Variants in SLC7A1 observed in about 807,000 individuals in gnomAD.
The protein encoded by SLC7A1 is high affinity cationic amino acid transporter 1.
A neutral mutation model predicts 53.9 loss-of-function variants in SLC7A1; 10 were observed. The ratio of observed to expected loss-of-function variants is 0.19; its 90% CI spans 0.11 to 0.31. SLC7A1 has a LOEUF of 0.31. Ranked by LOEUF, SLC7A1 falls within the 10% of genes least tolerant of loss-of-function variation. The pLI is 1.00. For synonymous variants in SLC7A1, 342 were observed against 338.7 expected (o/e 1.01, Z -0.11); for missense variants, 525 against 827.2 (o/e 0.63, Z 4.48).
At chr13:29,570,925 TGAG>T (rs1358399529) in intron 1 of SLC7A1, among the ~76,000 whole-genome samples, 2 of 151,940 alleles carry the variant, frequency 1.3e-5, no homozygotes, top group Non-Finnish European at 2.9e-5. Flanking sequence ...CTTTGCAAGA[TGAG>T]GAGGTTTCAA....
At chr13:29,594,629 T>C (rs144079641) in intron 1 of SLC7A1, among the ~76,000 whole-genome samples, 3 of 152,334 alleles carry the variant, frequency 2.0e-5, no homozygotes, top group African/African-American at 7.2e-5. Flanking sequence ...ATACGGTGTC[T>C]TGCTAAAGGC....
intron 1 of SLC7A1, among the ~76,000 whole-genome samples, chr13:29,563,904 G>C (rs983027973): frequency 1.3e-5 from 2 of 152,174 alleles, no homozygotes. Flanking sequence ...ATCTTGAGCC[G>C]GTGAGAGGCA....
intron 2 of SLC7A1, among the ~76,000 whole-genome samples, chr13:29,548,756 A>T (rs1420868734): frequency 6.6e-6 from 1 of 152,226 alleles, no homozygotes; most frequent in East Asian, 1.9e-4. Context: ...AAATGCTGTG[A>T]CCTTTCATAT....
intron 5 of SLC7A1, among the ~76,000 whole-genome samples, chr13:29,528,731 G>A (rs554520967): frequency 1.2e-3 from 180 of 152,350 alleles, no homozygotes; most frequent in Non-Finnish European, 1.4e-3. Context: ...ATCCCCTGCC[G>A]TCCCTGTGGT....
intron 1 of SLC7A1, among the ~76,000 whole-genome samples, chr13:29,580,804 T>C (rs1164362158): frequency 6.6e-6 from 1 of 152,074 alleles, no homozygotes; most frequent in East Asian, 1.9e-4. Flanking sequence ...AGAGGTACCA[T>C]ACAAACGAAA....
chr13:29,509,434 C>T lies in SLC7A1; in HGVS notation c.*5046G>A, dbSNP rs770330319. Reference sequence around the variant, plus strand: ...GCACATGGAAGCCATAGAATTTATTCGAATTTGCAGAAGCATGAGATAATG... The same window carrying T: ...GCACATGGAAGCCATAGAATTTATTTGAATTTGCAGAAGCATGAGATAATG... On this transcript the variant is annotated 3_prime_UTR_variant, in exon 13 of 13. Coordinates refer to ENST00000380752, the MANE Select transcript of SLC7A1 (RefSeq NM_003045.5). The T allele has an allele frequency of 6.6e-6, 1 of 152,444 alleles. No individual in the cohort carries two copies. Among genetic ancestry groups the T allele is most frequent in the Non-Finnish European group, 1.5e-5 (1 of 68,026 alleles). 9.4% of individuals were successfully genotyped at this position (152,444 alleles called of 1,614,324 possible).
intron 2 of SLC7A1, 123 bp downstream of exon 2, chr13:29,553,638 G>C (rs538377047): frequency 2.0e-5 from 3 of 152,280 alleles, no homozygotes; most frequent in South Asian, 4.1e-4. Context: ...AAGACAACTG[G>C]GGGTTTTAGT....
At chr13:29,546,947 G>A (rs1367184420) in intron 2 of SLC7A1, among the ~76,000 whole-genome samples, 2 of 152,218 alleles carry the variant, frequency 1.3e-5, no homozygotes, top group African/African-American at 4.8e-5. Context: ...TAATCCTCTT[G>A]TAAGAATAAG....
intron 1 of SLC7A1, among the ~76,000 whole-genome samples, chr13:29,565,199 C>T (rs1420467138): frequency 6.6e-6 from 1 of 152,210 alleles, no homozygotes; most frequent in Non-Finnish European, 1.5e-5. Context: ...AGTGACTTAA[C>T]CCAAAAGAGT....
rs1236363018 is a variant in SLC7A1, at chr13:29,519,559, G to A, written c.1190-10C>T. The A allele has an allele frequency of 6.4e-7, 1 of 1,564,348 alleles. No individual in the cohort carries two copies. Among genetic ancestry groups the A allele is most frequent in the African/African-American group, 1.4e-5 (1 of 73,918 alleles). ...AGGAAGGCCATCACAGCTGGGAAGAGACAGACACCAGGATCTGTGGAGGGC... is the reference window on the plus strand; with the variant it reads ...AGGAAGGCCATCACAGCTGGGAAGAAACAGACACCAGGATCTGTGGAGGGC... On this transcript the variant is annotated splice_polypyrimidine_tract_variant and intron_variant, in intron 8 of 12. Coordinates refer to ENST00000380752, the MANE Select transcript of SLC7A1 (RefSeq NM_003045.5).
Position 29,532,817 on chromosome 13 carries a change from G to T in SLC7A1, c.529+7C>A. On this transcript the variant is annotated splice_region_variant and intron_variant, in intron 4 of 12. Transcript: ENST00000380752. The stretch of plus-strand genomic sequence containing the variant: ...TGACCCGATCTCTTTTTAAGTGTGG[G>T]CTTTACCTGTCAAGATGAGAATTAT... 1 of 1,609,906 alleles carries T rather than the reference G, an allele frequency of 6.2e-7. No individual in the cohort carries two copies. Among genetic ancestry groups the T allele is most frequent in the East Asian group, 2.2e-5 (1 of 44,692 alleles).
chr13:29,587,547 G>A (rs1284102213), intron 1 of SLC7A1, among the ~76,000 whole-genome samples: 1 of 152,166 alleles, frequency 6.6e-6, no homozygotes, highest in Non-Finnish European at 1.5e-5. Context: ...CACTGATATG[G>A]GGCCAGTGCT....
chr13:29,533,222 G>A (rs570908550), intron 3 of SLC7A1, among the ~76,000 whole-genome samples: 2 of 152,066 alleles, frequency 1.3e-5, no homozygotes, highest in Non-Finnish European at 2.9e-5. Context: ...ATATACACAG[G>A]TGTATTCTAT....
chr13:29,524,192 G>C lies in SLC7A1; in HGVS notation c.766C>G (p.Leu256Val). 1 of 1,614,150 alleles carries C rather than the reference G, an allele frequency of 6.2e-7. No homozygotes were observed. ...TAGAAGCAAGTCGCTGCCCCCGACA[G>C]GACACCAGAGAACCCGAAGGGCATG... is the stretch of plus-strand genomic sequence containing the variant. ...GFMPFGFSGV[L>V]SGAATCFYAF... Residue 256 changes from leucine (L) to valine (V), a missense_variant, in exon 6 of 13, where the codon CTG becomes GTG. Leu to Val is a conservative substitution (Grantham distance 32). Transcript: ENST00000380752.
intron 1 of SLC7A1, among the ~76,000 whole-genome samples, chr13:29,554,738 CTACAGTTTTATAACTTA>C (rs1870354856): frequency 6.6e-6 from 1 of 152,312 alleles, no homozygotes; most frequent in Admixed American, 6.5e-5. Context: ...TAATCAACAG[CTACAGTTTTATAACTTA>C]GACAGCAGCA....
At chr13:29,595,036 C>G (rs1872251969) in intron 1 of SLC7A1, among the ~76,000 whole-genome samples, 1 of 151,974 alleles carries the variant, frequency 6.6e-6, no homozygotes, top group East Asian at 1.9e-4. Context: ...GTCTGGCCCC[C>G]GTGCCCGCCG....
At chr13:29,516,586 C>CT (rs1309092032) in intron 11 of SLC7A1, among the ~76,000 whole-genome samples, 1 of 152,230 alleles carries the variant, frequency 6.6e-6, no homozygotes, top group Admixed American at 6.5e-5. Context: ...GGTCAACAAC[C>CT]TTTTTTATTA....
At chr13:29,520,664 C>T (rs1485629526) in intron 8 of SLC7A1, among the ~76,000 whole-genome samples, 2 of 152,204 alleles carry the variant, frequency 1.3e-5, no homozygotes, top group Non-Finnish European at 2.9e-5. Flanking sequence ...ATGCAATCAA[C>T]ACAAGCTAAA....
chr13:29,551,548 C>A (rs1459112925), intron 2 of SLC7A1, among the ~76,000 whole-genome samples: 2 of 152,194 alleles, frequency 1.3e-5, no homozygotes, highest in Non-Finnish European at 2.9e-5. Flanking sequence ...ACTGCCCAGC[C>A]CAAGAAGCGG....
Sources: allele counts gnomAD v4.1 joint callset (sites outside exome capture counted in the v4.1 genomes callset), GRCh38; gene constraint gnomAD v4.1.1; transcripts MANE v1.5; gene names NCBI Gene and HGNC (gene_info 2026-07-23, HGNC 2026-07-21).